SLC16A12: variants seen among roughly 807,000 people sequenced by gnomAD.
SLC16A12 encodes the protein solute carrier family 16 member 12, also known as monocarboxylate transporter 12.
A neutral mutation model predicts 42.4 loss-of-function variants in SLC16A12; 17 were observed. The observed-to-expected ratio is 0.40, with a 90% CI of 0.27 to 0.60. The LOEUF (loss-of-function observed/expected upper bound fraction) is 0.60, where lower values mean the gene tolerates loss of function less well. Among genes scored for constraint, SLC16A12 ranks in the 20% least tolerant of loss-of-function variants. The probability of loss-of-function intolerance (pLI) is 0.42; values close to 1 mark genes in which losing one functional copy is unlikely to be tolerated. For missense variants in SLC16A12, 544 were observed against 623.0 expected, an observed-to-expected ratio of 0.87 and a Z score of 1.35; for synonymous variants, 224 against 229.4, an observed-to-expected ratio of 0.98 and a Z score of 0.21.
intron 2 of SLC16A12, among the ~76,000 whole-genome samples, chr10:89,498,883 A>T (rs1222540505): frequency 6.6e-6 from 1 of 152,180 alleles, no homozygotes; most frequent in Non-Finnish European, 1.5e-5. Context: ...GAGAGATAAC[A>T]ATCACTACAG....
intron 3 of SLC16A12, among the ~76,000 whole-genome samples, chr10:89,459,795 G>C (rs1171148280): frequency 6.6e-6 from 1 of 152,042 alleles, no homozygotes; most frequent in Admixed American, 6.5e-5. Context: ...CAAAAAATTA[G>C]CTGGGTGTGG....
chr10:89,481,664 T>TGTGTGA lies in SLC16A12; in HGVS notation c.-46-19041_-46-19040insTCACAC, dbSNP rs559651910. 2.0e-3 allele frequency among the ~76,000 whole-genome samples: 285 copies of TGTGTGA among 139,598 alleles called. 5 individuals carry two copies. In the South Asian group the frequency reaches 0.04, roughly 20 times the overall value. 91.6% of individuals were successfully genotyped at this position (139,598 alleles called of 152,430 possible). A position where few individuals can be genotyped will look rare whatever the true frequency, so the allele number is the denominator to read the frequency against. On this transcript the variant is annotated intron_variant, in intron 2 of 7. Coordinates refer to ENST00000371790, the MANE Select transcript of SLC16A12 (RefSeq NM_213606.4). ...TTTCTTGTGTGTGTGTGTGTGTGTG[T>TGTGTGA]GAGAGAGAGAGAGAGTGTGTGTGTG...
intron 2 of SLC16A12, among the ~76,000 whole-genome samples, chr10:89,501,740 G>T (rs1842993322): frequency 6.6e-6 from 1 of 152,094 alleles, no homozygotes; most frequent in African/African-American, 2.4e-5. Context: ...GACAGAGCAA[G>T]ACTTCATCTC....
chr10:89,433,988 T>C (rs756484774), intron 7 of SLC16A12, among the ~76,000 whole-genome samples: 1 of 152,238 alleles, frequency 6.6e-6, no homozygotes, highest in Non-Finnish European at 1.5e-5. Context: ...AATAACATTA[T>C]ACTTCGTCAG....
At chr10:89,447,793 C>T (rs77748766) in intron 3 of SLC16A12, among the ~76,000 whole-genome samples, 2,638 of 152,178 alleles carry the variant, frequency 0.017, 77 homozygotes, top group African/African-American at 0.06. Context: ...CAAGAAAACC[C>T]CTTCCAAAAA....
intron 2 of SLC16A12, among the ~76,000 whole-genome samples, chr10:89,496,779 C>T (rs1842927587): frequency 6.6e-6 from 1 of 152,006 alleles, no homozygotes; most frequent in South Asian, 2.1e-4. Context: ...CATTTGACTA[C>T]CTTAAAATTA....
At chr10:89,532,450 A>C (rs963146268) in intron 2 of SLC16A12, among the ~76,000 whole-genome samples, 3 of 152,212 alleles carry the variant, frequency 2.0e-5, no homozygotes, top group Non-Finnish European at 2.9e-5. Flanking sequence ...TATCAGAGGG[A>C]AAATCTTTCT....
intron 2 of SLC16A12, among the ~76,000 whole-genome samples, chr10:89,502,647 C>T (rs530924438): frequency 1.6e-4 from 24 of 152,284 alleles, no homozygotes; most frequent in Admixed American, 9.8e-4. Context: ...GCCTTGAGGA[C>T]TATAGAAGCA....
chr10:89,539,855 A>ATTTTTC (rs1554833979), upstream of SLC16A12, among the ~76,000 whole-genome samples: 3 of 81,316 alleles, frequency 3.7e-5, no homozygotes, highest in African/African-American at 8.6e-5. Flanking sequence ...CAAGAAACAA[A>ATTTTTC]TTTTTCTTTC....
chr10:89,519,939 C>G (rs983076237), intron 2 of SLC16A12, among the ~76,000 whole-genome samples: 1 of 152,052 alleles, frequency 6.6e-6, no homozygotes, highest in East Asian at 1.9e-4. Context: ...ATGGTGAAAC[C>G]CTGTCTCTAC....
intron 3 of SLC16A12, among the ~76,000 whole-genome samples, chr10:89,444,137 T>C (rs1841960132): frequency 6.6e-6 from 1 of 152,222 alleles, no homozygotes; most frequent in African/African-American, 2.4e-5. Flanking sequence ...GGAACATGGA[T>C]TCTTATTTAT....
At chr10:89,442,897 G>T (rs1841935741) in intron 4 of SLC16A12, among the ~76,000 whole-genome samples, 1 of 152,148 alleles carries the variant, frequency 6.6e-6, no homozygotes, top group African/African-American at 2.4e-5. Context: ...CTAAGACATG[G>T]CTTGAAGAGA....
At chr10:89,461,307 T>A (rs1382676522) in intron 3 of SLC16A12, among the ~76,000 whole-genome samples, 1 of 152,106 alleles carries the variant, frequency 6.6e-6, no homozygotes, top group Non-Finnish European at 1.5e-5. Context: ...AACCTAGAAG[T>A]CATCACCACA....
chr10:89,493,492 C>T (rs542446993), intron 2 of SLC16A12, among the ~76,000 whole-genome samples: 35 of 152,104 alleles, frequency 2.3e-4, no homozygotes, highest in Non-Finnish European at 4.4e-4. Flanking sequence ...CAAATGAATT[C>T]GCTTTTTACT....
chr10:89,504,452 T>A (rs1242881195), intron 2 of SLC16A12, among the ~76,000 whole-genome samples: 2 of 151,730 alleles, frequency 1.3e-5, no homozygotes, highest in African/African-American at 2.4e-5. Context: ...AAAGAAAAAA[T>A]ATATATATTA....
Position 89,462,401 on chromosome 10 carries a change from T to C in SLC16A12, c.178A>G (p.Ile60Val). 6 of 1,614,040 alleles carry C rather than the reference T, an allele frequency of 3.7e-6. No homozygotes were observed. Among genetic ancestry groups the C allele is most frequent in the South Asian group, 1.1e-5 (1 of 91,084 alleles). ...MIVAGCFLVT[I>V]CTRAVTRCIS... is the part of the protein sequence containing the mutation. ...TACCTTGTGACTGCCCGTGTGCAGA[T>C]GGTAACAAGGAAACAGCCAGCCACA... Residue 60 changes from isoleucine to valine, a missense_variant, in exon 3 of 8, where the codon ATC becomes GTC. Transcript: ENST00000371790.
chr10:89,470,931 C>A (rs1589687020), intron 2 of SLC16A12, among the ~76,000 whole-genome samples: 2 of 151,734 alleles, frequency 1.3e-5, no homozygotes, highest in South Asian at 4.2e-4. Context: ...GACACGGACA[C>A]GTGAGCTCTC....
At chr10:89,469,723 C>T (rs1264081524) in intron 2 of SLC16A12, among the ~76,000 whole-genome samples, 1 of 152,100 alleles carries the variant, frequency 6.6e-6, no homozygotes, top group Non-Finnish European at 1.5e-5. Context: ...TCCCAGTGAC[C>T]CTGTATGAAT....
chr10:89,509,546 C>T (rs987870932), intron 2 of SLC16A12, among the ~76,000 whole-genome samples: 4 of 152,198 alleles, frequency 2.6e-5, no homozygotes, highest in African/African-American at 9.7e-5. Flanking sequence ...AGCAGCTCTT[C>T]ATGCTAAAAA....
Sources: gnomAD v4.1 joint callset for allele counts (sites outside exome capture counted in the v4.1 genomes callset) on GRCh38, gnomAD v4.1.1 for gene constraint, MANE v1.5 for transcripts, NCBI Gene and HGNC (gene_info 2026-07-23, HGNC 2026-07-21) for gene names.